Variants in FSIP1 observed in about 807,000 individuals in gnomAD.
The protein encoded by FSIP1 is fibrous sheath-interacting protein 1.
Under a neutral mutation model 60.9 loss-of-function variants are expected in FSIP1, and 65 were observed. That is an observed-to-expected ratio of 1.07 (90% CI 0.87 to 1.31). The LOEUF (loss-of-function observed/expected upper bound fraction) is 1.31. Ranked by LOEUF, FSIP1 falls within the 40% of genes most tolerant of loss-of-function variation. The pLI is 0.00. For missense variants in FSIP1, 675 were observed against 665.5 expected (o/e 1.01, Z -0.16); for synonymous variants, 209 against 221.2 (o/e 0.94, Z 0.49).
chr15:39,752,969 A>T (rs1179330332), intron 5 of FSIP1, among the ~76,000 whole-genome samples: 2 of 152,132 alleles, frequency 1.3e-5, no homozygotes, highest in African/African-American at 4.8e-5. Context: ...GATTGAGAAA[A>T]CATTAACAAA....
At chr15:39,713,393 C>T (rs958697893) in intron 10 of FSIP1, 51 bp downstream of exon 10, 4 of 1,527,394 alleles carry the variant, frequency 2.6e-6, no homozygotes, top group African/African-American at 1.4e-5. Flanking sequence ...ATAGTGAGAA[C>T]CTGCCTCTAT....
At chr15:39,624,951 C>T (rs1891578568) in intron 10 of FSIP1, among the ~76,000 whole-genome samples, 1 of 152,188 alleles carries the variant, frequency 6.6e-6, no homozygotes, top group Non-Finnish European at 1.5e-5. Flanking sequence ...AGCCAGGAGG[C>T]TCAGTGGACA....
At chr15:39,659,319 G>T (rs944073247) in intron 10 of FSIP1, among the ~76,000 whole-genome samples, 1 of 152,102 alleles carries the variant, frequency 6.6e-6, no homozygotes, top group Non-Finnish European at 1.5e-5. Context: ...GAGGCTGGCG[G>T]ATCAAGAGGT....
intron 3 of FSIP1, among the ~76,000 whole-genome samples, chr15:39,769,005 C>A (rs1397097625): frequency 6.6e-6 from 1 of 152,164 alleles, no homozygotes; most frequent in Non-Finnish European, 1.5e-5. Flanking sequence ...AAGGGCCGGG[C>A]GCGGTGGCTC....
In FSIP1 at chr15:39,759,087, A is replaced by G. The variant is rs113672115; in HGVS notation, c.559+4734T>C. Among the ~76,000 whole-genome samples, 1,303 of 152,184 alleles carry G rather than the reference A, an allele frequency of 8.6e-3. 16 individuals carry two copies. The highest frequency in any genetic ancestry group is 0.03 in the African/African-American group (1,232 of 41,560). ...ATTATAACTGATGAAAGGAAAATAT[A>G]TATTTTTTATACAATCTTGAGACAT... On this transcript the variant is annotated intron_variant, in intron 5 of 11. Coordinates refer to ENST00000350221, the MANE Select transcript of FSIP1 (RefSeq NM_152597.5).
chr15:39,700,223 C>T (rs937901549), intron 10 of FSIP1, among the ~76,000 whole-genome samples: 1 of 152,222 alleles, frequency 6.6e-6, no homozygotes, highest in African/African-American at 2.4e-5. Flanking sequence ...CCACCCCCAT[C>T]TATACCAAAT....
rs72106293 is a variant in FSIP1 at position 39,716,812 on chromosome 15, C to CTTTTTT, written c.1051-3237_1051-3232dup. On this transcript the variant is annotated intron_variant, in intron 9 of 11. Coordinates refer to ENST00000350221, the MANE Select transcript of FSIP1 (RefSeq NM_152597.5). ...AACCACTTTGAAAAACAGGCCATGTCTTTTTTTTTTTTTTTTTTTTTGAGA... is the reference window on the plus strand; with the variant it reads ...AACCACTTTGAAAAACAGGCCATGTCTTTTTTTTTTTTTTTTTTTTTTTTTTTGAGA... 5.8e-4 allele frequency among the ~76,000 whole-genome samples: 64 copies of CTTTTTT among 110,194 alleles called. 3 individuals carry two copies. Among genetic ancestry groups the CTTTTTT allele is most frequent in the Middle Eastern group, 6.1e-3 (1 of 164 alleles). The allele number at this position is 110,194 out of a possible 152,430, so 72.3% of individuals were successfully genotyped here.
rs958730420 is a variant in FSIP1, at chr15:39,755,066, TA to T, written c.559+8754del. On this transcript the variant is annotated intron_variant, in intron 5 of 11. Coordinates refer to ENST00000350221, the MANE Select transcript of FSIP1 (RefSeq NM_152597.5). The stretch of plus-strand genomic sequence containing the variant: ...AGTGGTGTCTGTTTTAGAGTAAGAT[TA>T]AAAAAAAAAATGAGGAAAAAGGCTT... 3.1e-3 allele frequency among the ~76,000 whole-genome samples: 449 copies of T among 147,102 alleles called. 1 individual carries two copies. The highest frequency in any genetic ancestry group is 7.8e-3 in the African/African-American group (315 of 40,318).
At chr15:39,705,610 T>C (rs760867209) in intron 10 of FSIP1, among the ~76,000 whole-genome samples, 8 of 152,166 alleles carry the variant, frequency 5.3e-5, no homozygotes, top group Non-Finnish European at 7.4e-5. Context: ...TTAGTATATA[T>C]GCGCCAATAT....
chr15:39,676,130 G>A lies in FSIP1; in HGVS notation c.1188+37314C>T, dbSNP rs113222053. On this transcript the variant is annotated intron_variant, in intron 10 of 11. Transcript: ENST00000350221. ...GGAGGTTGCAGTGAGCCAAAATCGC[G>A]CCACTGCACTTCAGCCTGGGTGACA... is the stretch of plus-strand genomic sequence containing the variant. Among the ~76,000 whole-genome samples the A allele has an allele frequency of 1.0e-2, 1,378 of 138,458 alleles. 20 individuals are homozygous for A. Among genetic ancestry groups the A allele is most frequent in the African/African-American group, 0.035 (1,295 of 37,448 alleles). 90.8% of individuals were successfully genotyped at this position (138,458 alleles called of 152,430 possible).
At chr15:39,703,196 G>C (rs1424117995) in intron 10 of FSIP1, among the ~76,000 whole-genome samples, 1 of 151,994 alleles carries the variant, frequency 6.6e-6, no homozygotes, top group South Asian at 2.1e-4. Context: ...TGGTCAGGCT[G>C]GTCTCGAACT....
chr15:39,603,486 C>T (rs952170811), intron 11 of FSIP1, among the ~76,000 whole-genome samples: 5 of 152,132 alleles, frequency 3.3e-5, no homozygotes, highest in South Asian at 2.1e-4. Flanking sequence ...AATGCCAGGC[C>T]GGCTCAAGGC....
chr15:39,677,650 T>C (rs1346257865), intron 10 of FSIP1, among the ~76,000 whole-genome samples: 1 of 152,174 alleles, frequency 6.6e-6, no homozygotes, highest in Non-Finnish European at 1.5e-5. Context: ...AATCTAAATG[T>C]TCAATCACAG....
intron 10 of FSIP1, among the ~76,000 whole-genome samples, chr15:39,657,024 AG>A (rs1417479354): frequency 2.6e-5 from 4 of 152,346 alleles, no homozygotes; most frequent in South Asian, 4.1e-4. Context: ...GCTTATAGCC[AG>A]CTAAAACAGC....
In FSIP1 at chr15:39,658,336, G is replaced by A. The variant is rs143160524; in HGVS notation, c.1189-40091C>T. ...GGCGCGATCTCAGCTCACTGCAACC[G>A]CTTCCTGGGTTCAAGTAATTCTTCT... On this transcript the variant is annotated intron_variant, in intron 10 of 11. Transcript: ENST00000350221. 3.9e-3 allele frequency among the ~76,000 whole-genome samples: 562 copies of A among 142,886 alleles called. 4 individuals carry two copies. Among genetic ancestry groups the A allele is most frequent in the African/African-American group, 0.014 (533 of 38,058 alleles). 93.7% of individuals were successfully genotyped at this position (142,886 alleles called of 152,430 possible).
intron 10 of FSIP1, among the ~76,000 whole-genome samples, chr15:39,629,439 C>A (rs1254484673): frequency 6.6e-6 from 1 of 152,150 alleles, no homozygotes; most frequent in East Asian, 1.9e-4. Context: ...AGTCAGGGCA[C>A]CAGGTGAGTC....
chr15:39,633,091 C>CTTTT (rs869063502), intron 10 of FSIP1, among the ~76,000 whole-genome samples: 27 of 112,860 alleles, frequency 2.4e-4, no homozygotes, highest in African/African-American at 4.4e-4. Flanking sequence ...GGCTATACTT[C>CTTTT]TTTTTTTTTT....
At chr15:39,675,306 T>C (rs971610395) in intron 10 of FSIP1, among the ~76,000 whole-genome samples, 4 of 152,218 alleles carry the variant, frequency 2.6e-5, no homozygotes, top group Admixed American at 1.3e-4. Flanking sequence ...TCTGTATATA[T>C]ACATTCCTCT....
intron 10 of FSIP1, among the ~76,000 whole-genome samples, chr15:39,629,188 T>C (rs1891774036): frequency 6.6e-6 from 1 of 152,230 alleles, no homozygotes; most frequent in African/African-American, 2.4e-5. Flanking sequence ...ATGTGTACTC[T>C]TGTAGATTCC....
Sources: allele counts gnomAD v4.1 joint callset (sites outside exome capture counted in the v4.1 genomes callset), GRCh38; gene constraint gnomAD v4.1.1; transcripts MANE v1.5; gene names NCBI Gene and HGNC (gene_info 2026-07-23, HGNC 2026-07-21).